TTC6: variants seen among roughly 807,000 people sequenced by gnomAD.
TTC6 encodes tetratricopeptide repeat protein 6.
TTC6 carries 172 observed loss-of-function variants against 210.4 expected under a neutral mutation model. The ratio of observed to expected loss-of-function variants is 0.82; its 90% confidence interval spans 0.72 to 0.93. The LOEUF (loss-of-function observed/expected upper bound fraction) is 0.93. Ranked by LOEUF, TTC6 falls within the 40% of genes least tolerant of loss-of-function variation. The pLI, the probability that TTC6 is intolerant of heterozygous loss-of-function variation, is 0.00. For synonymous variants in TTC6, 804 were observed against 819.6 expected (o/e 0.98, Z 0.32); for missense variants, 2,414 against 2,318.1 (o/e 1.04, Z -0.85).
At chr14:37,782,165 A>G (rs1027664902) in intron 14 of TTC6, among the ~76,000 whole-genome samples, 2 of 152,154 alleles carry the variant, frequency 1.3e-5, no homozygotes, top group African/African-American at 2.4e-5. Flanking sequence ...TCTTTGAAGA[A>G]AGTCATTGGT....
At chr14:37,701,606 A>AAAGACTTGATTCTG (rs1394500237) in intron 5 of TTC6, 80 bp downstream of exon 7, 1 of 1,283,256 alleles carries the variant, frequency 7.8e-7, no homozygotes, top group Non-Finnish European at 1.0e-6. Flanking sequence ...TCTAGATTTT[A>AAAGACTTGATTCTG]AAGACTTGAT....
At chr14:37,832,376 T>C (rs2096188032) in intron 29 of TTC6, among the ~76,000 whole-genome samples, 1 of 146,482 alleles carries the variant, frequency 6.8e-6, no homozygotes, top group Non-Finnish European at 1.5e-5. Context: ...CTTGGCTAGT[T>C]CTTGCTTTTC....
intron 1 of TTC6, among the ~76,000 whole-genome samples, chr14:37,624,449 T>C (rs971068636): frequency 1.3e-4 from 20 of 152,286 alleles, no homozygotes; most frequent in African/African-American, 4.3e-4. Flanking sequence ...TATTAGAAAC[T>C]GGTCCAGAGG....
At chr14:37,732,138 A>G (rs2095887895) in intron 7 of TTC6, among the ~76,000 whole-genome samples, 1 of 150,706 alleles carries the variant, frequency 6.6e-6, no homozygotes, top group African/African-American at 2.4e-5. Flanking sequence ...GTCAATTAAC[A>G]CATATTTTAT....
At chr14:37,808,616 C>G (rs1422643094) in intron 23 of TTC6, 117 bp from the exon 26 acceptor site, 2 of 530,316 alleles carry the variant, frequency 3.8e-6, no homozygotes, top group African/African-American at 2.0e-5. Context: ...ACAGATGATA[C>G]AAAGAATGGT....
chr14:37,767,944 T>TA (rs1381369815), intron 14 of TTC6, among the ~76,000 whole-genome samples: 1 of 145,720 alleles, frequency 6.9e-6, no homozygotes, highest in Non-Finnish European at 1.5e-5. Context: ...GTCTAATGTT[T>TA]AAGTCTTTAA....
intron 1 of TTC6, among the ~76,000 whole-genome samples, chr14:37,663,748 A>G (rs2095742150): frequency 1.3e-5 from 2 of 152,196 alleles, no homozygotes; most frequent in South Asian, 4.1e-4. Flanking sequence ...CTTACTTTAA[A>G]AAACCCTGTT....
At chr14:37,787,486 A>G in exon 15 of TTC6, 3 of 1,528,176 alleles carry the variant, frequency 2.0e-6, no homozygotes, top group Non-Finnish European at 2.6e-6. Context: ...GAGGGATTGC[A>G]TATGTTAAAT....
At chr14:37,673,820 G>T (rs1049525347) in intron 1 of TTC6, among the ~76,000 whole-genome samples, 8 of 152,140 alleles carry the variant, frequency 5.3e-5, no homozygotes, top group Non-Finnish European at 8.8e-5. Flanking sequence ...CATGCCATAG[G>T]TGGAAACTGC....
At chr14:37,701,631 C>G (rs944585438) in intron 5 of TTC6, 105 bp downstream of exon 7, 4 of 1,094,880 alleles carry the variant, frequency 3.7e-6, no homozygotes, top group Admixed American at 6.8e-5. Context: ...TTCTTGGACA[C>G]TAAAGAGGAG....
chr14:37,634,722 A>G (rs1443653502), intron 1 of TTC6, among the ~76,000 whole-genome samples: 1 of 152,252 alleles, frequency 6.6e-6, no homozygotes, highest in Non-Finnish European at 1.5e-5. Context: ...ACAAAAATTT[A>G]AAGCAGTGAG....
At chr14:37,826,967 A>G in intron 28 of TTC6, among the ~76,000 whole-genome samples, 1 of 152,124 alleles carries the variant, frequency 6.6e-6, no homozygotes, top group East Asian at 1.9e-4. Context: ...AACTGAGTGA[A>G]AAAACACTAA....
At chr14:37,771,761 G>A (rs144133537) in intron 14 of TTC6, among the ~76,000 whole-genome samples, 2,370 of 152,098 alleles carry the variant, frequency 0.016, 63 homozygotes, top group African/African-American at 0.053. Flanking sequence ...GTCCTCCTGT[G>A]GCTCAGAGTA....
chr14:37,680,954 A>G (rs2095782165), intron 2 of TTC6, among the ~76,000 whole-genome samples: 1 of 152,186 alleles, frequency 6.6e-6, no homozygotes, highest in African/African-American at 2.4e-5. Flanking sequence ...ATGTTCAGAA[A>G]GTGCATGGAA....
At chr14:37,737,432 T>TAAA (rs78993032) in intron 8 of TTC6, among the ~76,000 whole-genome samples, 94,496 of 151,296 alleles carry the variant, frequency 0.62, 30,630 homozygotes, top group East Asian at 0.89. Flanking sequence ...TTGAATTTTT[T>TAAA]AAAAAAACAT....
chr14:37,781,524 T>TA (rs2096054727), intron 14 of TTC6, among the ~76,000 whole-genome samples: 1 of 152,238 alleles, frequency 6.6e-6, no homozygotes, highest in African/African-American at 2.4e-5. Flanking sequence ...TTCTGGATAT[T>TA]AGCCGTTTGT....
At chr14:37,738,806 G>A (rs1194903980) in exon 10 of TTC6, 1 of 1,518,004 alleles carries the variant, frequency 6.6e-7, no homozygotes, top group South Asian at 1.3e-5. Flanking sequence ...CTTGAGGAAG[G>A]AGAAGATCAT....
exon 1 of TTC6, chr14:37,622,070 C>T: frequency 1.3e-6 from 2 of 1,523,212 alleles, no homozygotes; most frequent in Non-Finnish European, 1.8e-6. Context: ...TCAAGATGTC[C>T]ACAATCCCGA....
At chr14:37,819,369 C>T (rs1831352471) in intron 26 of TTC6, among the ~76,000 whole-genome samples, 1 of 152,038 alleles carries the variant, frequency 6.6e-6, no homozygotes, top group African/African-American at 2.4e-5. Flanking sequence ...GGAAAGTAAA[C>T]ATTTTCTCAT....
Sources: gnomAD v4.1 joint callset for allele counts (sites outside exome capture counted in the v4.1 genomes callset) on GRCh38, gnomAD v4.1.1 for gene constraint, MANE v1.5 for transcripts, NCBI Gene and HGNC (gene_info 2026-07-23, HGNC 2026-07-21) for gene names.